The following SLC36A3 variants were observed in gnomAD, a reference collection of about 807,000 sequenced individuals.
The protein encoded by SLC36A3 is solute carrier family 36 member 3.
A neutral mutation model predicts 44.3 loss-of-function variants in SLC36A3; 35 were observed. The observed-to-expected ratio is 0.79, with a 90% CI of 0.60 to 1.05. The LOEUF (loss-of-function observed/expected upper bound fraction) is 1.05. SLC36A3 is among the 50% of genes least tolerant of loss of function. The pLI, the probability that SLC36A3 is intolerant of heterozygous loss-of-function variation, is 0.00. For synonymous variants in SLC36A3, 211 were observed against 227.6 expected, an observed-to-expected ratio of 0.93 and a Z score of 0.66; for missense variants, 540 against 578.7, an observed-to-expected ratio of 0.93 and a Z score of 0.69.
At chr5:151,299,262 C>CTATATA (rs1483618702) in intron 1 of SLC36A3, among the ~76,000 whole-genome samples, 31 of 64,442 alleles carry the variant, frequency 4.8e-4, no homozygotes, top group South Asian at 1.4e-3. Flanking sequence ...CTCTCTCTCT[C>CTATATA]TCTATATATA....
At chr5:151,283,172 C>T (rs1354958510) in intron 8 of SLC36A3, among the ~76,000 whole-genome samples, 1 of 152,240 alleles carries the variant, frequency 6.6e-6, no homozygotes, top group Non-Finnish European at 1.5e-5. Flanking sequence ...AGGCATGAGC[C>T]ACTGCCCCTG....
chr5:151,293,329 TTTG>T (rs1754829182), intron 4 of SLC36A3, 32 bp downstream of exon 4: 2 of 1,543,112 alleles, frequency 1.3e-6, no homozygotes, highest in Non-Finnish European at 8.9e-7. Context: ...TATGATGATT[TTTG>T]TTGTTACTAC....
At chr5:151,293,976 TGGA>T (rs1754859455) in intron 3 of SLC36A3, among the ~76,000 whole-genome samples, 2 of 152,188 alleles carry the variant, frequency 1.3e-5, no homozygotes, top group African/African-American at 4.8e-5. Flanking sequence ...CTTTTAAGGG[TGGA>T]GCAGGCCCTG....
chr5:151,284,328 A>G, intron 7 of SLC36A3, 118 bp from the exon 8 acceptor site: 1 of 1,021,604 alleles, frequency 9.8e-7, no homozygotes, highest in Non-Finnish European at 1.4e-6. Context: ...AGTATCAGAA[A>G]GGGGACTCTC....
At chr5:151,295,419 A>G (rs1754925603) in intron 3 of SLC36A3, among the ~76,000 whole-genome samples, 1 of 152,224 alleles carries the variant, frequency 6.6e-6, no homozygotes, top group South Asian at 2.1e-4. Flanking sequence ...GCGTTTTGTG[A>G]GCAGGAAAGT....
intron 3 of SLC36A3, 64 bp from the exon 4 acceptor site, chr5:151,293,523 C>A: frequency 7.6e-7 from 1 of 1,324,484 alleles, no homozygotes. Context: ...AGTTTTCTCC[C>A]AAAGTGAGTG....
At chr5:151,277,797 G>T in intron 9 of SLC36A3, 136 bp from the exon 10 acceptor site, 1 of 984,102 alleles carries the variant, frequency 1.0e-6, no homozygotes. Context: ...GCTTGGGGAG[G>T]TCAGGCAACT....
chr5:151,283,950 A>G (rs1754429541), intron 8 of SLC36A3, 94 bp downstream of exon 8: 2 of 1,434,620 alleles, frequency 1.4e-6, no homozygotes, highest in South Asian at 1.5e-5. Flanking sequence ...ATGGATTACC[A>G]GCTTCATGGC....
At chr5:151,283,565 A>G (rs1754408802) in intron 8 of SLC36A3, among the ~76,000 whole-genome samples, 1 of 152,238 alleles carries the variant, frequency 6.6e-6, no homozygotes, top group African/African-American at 2.4e-5. Flanking sequence ...AGTCATTATC[A>G]TAACACAGCA....
At chr5:151,282,111 G>GTTTTTTTTTTTTTTTT (rs70976011) in intron 8 of SLC36A3, among the ~76,000 whole-genome samples, 2 of 56,104 alleles carry the variant, frequency 3.6e-5, no homozygotes, top group African/African-American at 6.8e-5. Context: ...CTTTTTCTTT[G>GTTTTTTTTTTTTTTTT]TTTTTTTTTT....
intron 4 of SLC36A3, among the ~76,000 whole-genome samples, chr5:151,292,528 C>CA (rs1488400889): frequency 6.6e-6 from 1 of 152,208 alleles, no homozygotes; most frequent in Non-Finnish European, 1.5e-5. Context: ...CTGCCTACCT[C>CA]ACAAGGCTGT....
Position 151,287,344 on chromosome 5 carries a change from C to T in SLC36A3, c.610G>A (p.Val204Met). The T allele has an allele frequency of 2.5e-6, 4 of 1,614,046 alleles. No individual in the cohort carries two copies. Among genetic ancestry groups the T allele is most frequent in the Non-Finnish European group, 3.4e-6 (4 of 1,180,014 alleles). ...LIILPFLILL[V>M]FIQNLKVLSV... ...AGCACCTTGAGGTTCTGGATAAACA[C>T]CAACAGGATCAGGAAGGGCAGGATT... The change falls in exon 6 of 10, where the codon GTG becomes ATG. Residue 204 changes from valine to methionine, a missense_variant. Coordinates refer to ENST00000335230, the MANE Select transcript of SLC36A3 (RefSeq NM_181774.4).
chr5:151,296,388 C>T, intron 2 of SLC36A3, 120 bp from the exon 3 acceptor site: 1 of 804,212 alleles, frequency 1.2e-6, no homozygotes, highest in Non-Finnish European at 2.1e-6. Context: ...GGGTGACAGA[C>T]CCAGCCTGAA....
intron 1 of SLC36A3, among the ~76,000 whole-genome samples, chr5:151,301,136 C>T (rs907017720): frequency 2.6e-5 from 4 of 152,192 alleles, no homozygotes; most frequent in Non-Finnish European, 4.4e-5. Flanking sequence ...TGCTTCTAAC[C>T]TTTAAGATGT....
intron 8 of SLC36A3, 138 bp downstream of exon 8, chr5:151,283,906 G>C (rs1163580004): frequency 1.6e-5 from 17 of 1,081,370 alleles, no homozygotes; most frequent in Non-Finnish European, 2.2e-5. Flanking sequence ...GACTGATGCA[G>C]TGTGAGCAGG....
chr5:151,298,272 A>C, intron 2 of SLC36A3: 1 of 234,968 alleles, frequency 4.3e-6, no homozygotes, highest in Non-Finnish European at 8.4e-6. Context: ...ACACACTCAA[A>C]TGCCTGCAGG....
chr5:151,297,236 G>T (rs1350719343), intron 2 of SLC36A3: 3 of 152,220 alleles, frequency 2.0e-5, no homozygotes, highest in Non-Finnish European at 4.4e-5. Flanking sequence ...GAAAGGTAAA[G>T]AAATCATCTA....
intron 8 of SLC36A3, 47 bp from the exon 9 acceptor site, chr5:151,281,230 AG>A: frequency 6.4e-7 from 1 of 1,555,416 alleles, no homozygotes; most frequent in Non-Finnish European, 8.7e-7. Flanking sequence ...GCTCCCCGGA[AG>A]GGCCATTGAG....
At chr5:151,301,921 G>A (rs2127275360) in intron 1 of SLC36A3, among the ~76,000 whole-genome samples, 1 of 152,218 alleles carries the variant, frequency 6.6e-6, no homozygotes, top group East Asian at 1.9e-4. Context: ...TATTTCATCA[G>A]AAAAAATTCC....
Sources: allele counts gnomAD v4.1 joint callset (sites outside exome capture counted in the v4.1 genomes callset), GRCh38; gene constraint gnomAD v4.1.1; transcripts MANE v1.5; gene names NCBI Gene and HGNC (gene_info 2026-07-23, HGNC 2026-07-21).